Variants in RTN1 observed in about 807,000 individuals in gnomAD.
RTN1 encodes the protein reticulon 1.
RTN1 carries 25 observed loss-of-function variants against 65.5 expected under a neutral mutation model. The ratio of observed to expected loss-of-function variants is 0.38; its 90% CI spans 0.28 to 0.53. RTN1 has a LOEUF of 0.53. RTN1 is among the 20% of genes least tolerant of loss of function. The pLI, the probability that RTN1 is intolerant of heterozygous loss-of-function variation, is 0.79. For synonymous variants in RTN1, 471 were observed against 447.6 expected (o/e 1.05, Z -0.66); for missense variants, 983 against 1,025.4 (o/e 0.96, Z 0.57).
chr14:59,661,406 C>T (rs1421120440), intron 3 of RTN1, among the ~76,000 whole-genome samples: 3 of 152,096 alleles, frequency 2.0e-5, no homozygotes, highest in African/African-American at 7.2e-5. Flanking sequence ...TTTTATGAGG[C>T]TAGCATCATC....
intron 1 of RTN1, among the ~76,000 whole-genome samples, chr14:59,857,264 C>A (rs1439476645): frequency 2.0e-5 from 3 of 152,150 alleles, no homozygotes; most frequent in Non-Finnish European, 4.4e-5. Context: ...TTCCATACTA[C>A]ATAATCTCTA....
intron 1 of RTN1, among the ~76,000 whole-genome samples, chr14:59,769,428 CAT>C (rs1458494400): frequency 6.6e-6 from 1 of 152,064 alleles, no homozygotes; most frequent in Non-Finnish European, 1.5e-5. Flanking sequence ...TAATAAATGA[CAT>C]ATATTTTTCA....
chr14:59,746,601 G>A lies in RTN1; in HGVS notation c.242-120C>T, dbSNP rs554162768. ...TGACATCCTTTCTCCTTAAGCCCTC[G>A]GAGTTCCCTCGGAGCTCCCTCAGAG... On this transcript the variant is annotated intron_variant, in intron 1 of 8. Transcript: ENST00000267484. 209 of 821,360 alleles carry A rather than the reference G, an allele frequency of 2.5e-4. 1 individual carries two copies. The highest frequency in any genetic ancestry group is 1.5e-3 in the South Asian group (81 of 52,822). The allele number at this position is 821,360 out of a possible 1,614,324, so 50.9% of individuals were successfully genotyped here. A position where few individuals can be genotyped will look rare whatever the true frequency, so the allele number is the denominator to read the frequency against.
At chr14:59,641,009 G>C (rs74648430) in intron 3 of RTN1, among the ~76,000 whole-genome samples, 2,724 of 152,120 alleles carry the variant, frequency 0.018, 75 homozygotes, top group African/African-American at 0.062. Context: ...TGCCCACACT[G>C]AAGTGCAGTG....
At chr14:59,633,316 CAT>C (rs10599979) in intron 3 of RTN1, among the ~76,000 whole-genome samples, 2,942 of 152,212 alleles carry the variant, frequency 0.019, 84 homozygotes, top group African/African-American at 0.065. Context: ...GTAAGAGAAA[CAT>C]AAATGAACTT....
At chr14:59,736,352 G>C (rs1885001869) in intron 2 of RTN1, among the ~76,000 whole-genome samples, 1 of 152,052 alleles carries the variant, frequency 6.6e-6, no homozygotes. Context: ...TATCACCACT[G>C]ACCCCACAGA....
At chr14:59,848,712 C>T (rs1477457542) in intron 1 of RTN1, among the ~76,000 whole-genome samples, 2 of 151,996 alleles carry the variant, frequency 1.3e-5, no homozygotes, top group African/African-American at 4.8e-5. Flanking sequence ...TTTTATGTAA[C>T]CAAAGAAAAA....
chr14:59,722,549 A>G (rs928710546), intron 3 of RTN1, among the ~76,000 whole-genome samples: 3 of 152,204 alleles, frequency 2.0e-5, no homozygotes, highest in Non-Finnish European at 4.4e-5. Context: ...TAAGGGAGGA[A>G]AAAGTTCTGA....
At chr14:59,659,731 C>CTTCA (rs1307373780) in intron 3 of RTN1, among the ~76,000 whole-genome samples, 3 of 152,210 alleles carry the variant, frequency 2.0e-5, no homozygotes, top group Non-Finnish European at 4.4e-5. Context: ...ACAACAGCTC[C>CTTCA]TGAAGGAAGC....
chr14:59,827,367 C>T (rs897776987), intron 1 of RTN1, among the ~76,000 whole-genome samples: 2 of 152,218 alleles, frequency 1.3e-5, no homozygotes, highest in South Asian at 2.1e-4. Flanking sequence ...AGTGAGCCAC[C>T]GCGCCCCGCT....
intron 3 of RTN1, among the ~76,000 whole-genome samples, chr14:59,660,229 G>T (rs970829460): frequency 1.3e-5 from 2 of 152,128 alleles, no homozygotes; most frequent in Non-Finnish European, 2.9e-5. Context: ...AGAGCACCCA[G>T]ATTCATAAAA....
chr14:59,841,749 T>TG (rs1037880437), intron 1 of RTN1, among the ~76,000 whole-genome samples: 1 of 149,638 alleles, frequency 6.7e-6, no homozygotes, highest in African/African-American at 2.5e-5. Context: ...AGAAGACTGT[T>TG]GATAAGAGAC....
At chr14:59,728,249 CTTTTTTTTTT>C (rs200434592) in intron 2 of RTN1, among the ~76,000 whole-genome samples, 16 of 124,198 alleles carry the variant, frequency 1.3e-4, no homozygotes, top group African/African-American at 4.2e-4. Context: ...GAATCAGTAT[CTTTTTTTTTT>C]TTTTTTTTTT....
intron 2 of RTN1, among the ~76,000 whole-genome samples, chr14:59,741,910 A>G (rs1326572275): frequency 6.6e-6 from 1 of 152,084 alleles, no homozygotes. Context: ...GACCCCTCAC[A>G]CCCAACCCTC....
chr14:59,630,274 C>T (rs1012399140), intron 3 of RTN1, among the ~76,000 whole-genome samples: 10 of 151,892 alleles, frequency 6.6e-5, no homozygotes, highest in Non-Finnish European at 1.2e-4. Context: ...AAACAACAAC[C>T]AAGCACCATC....
intron 1 of RTN1, among the ~76,000 whole-genome samples, chr14:59,787,530 G>A (rs144752459): frequency 4.1e-4 from 62 of 152,352 alleles, no homozygotes; most frequent in African/African-American, 1.5e-3. Context: ...AGCAGCAGAA[G>A]TGCAGGCCTG....
At chr14:59,858,467 G>T (rs1055829714) in intron 1 of RTN1, among the ~76,000 whole-genome samples, 1 of 148,286 alleles carries the variant, frequency 6.7e-6, no homozygotes, top group Non-Finnish European at 1.5e-5. Flanking sequence ...TGTTGTTCAA[G>T]AGTAGTTTTT....
intron 3 of RTN1, among the ~76,000 whole-genome samples, chr14:59,723,886 C>T (rs1344455164): frequency 6.6e-6 from 1 of 152,092 alleles, no homozygotes; most frequent in Non-Finnish European, 1.5e-5. Flanking sequence ...AACAGGTGTC[C>T]CCCTGGAATA....
At chr14:59,692,389 A>G (rs1257525606) in intron 3 of RTN1, among the ~76,000 whole-genome samples, 1 of 152,226 alleles carries the variant, frequency 6.6e-6, no homozygotes, top group East Asian at 1.9e-4. Flanking sequence ...GAGAACTGCA[A>G]AACACTGCTG....
Sources: gnomAD v4.1 joint callset for allele counts (sites outside exome capture counted in the v4.1 genomes callset) on GRCh38, gnomAD v4.1.1 for gene constraint, MANE v1.5 for transcripts, NCBI Gene and HGNC (gene_info 2026-07-23, HGNC 2026-07-21) for gene names.